The following ZPBP variants were observed in gnomAD, a reference collection of about 807,000 sequenced individuals.
ZPBP encodes the protein zona pellucida binding protein.
A neutral mutation model predicts 44.8 loss-of-function variants in ZPBP; 26 were observed. That is an observed-to-expected ratio of 0.58 (90% CI 0.43 to 0.81). The LOEUF is 0.81. Among genes scored for constraint, ZPBP ranks in the 30% least tolerant of loss-of-function variants. The pLI is 0.00. For missense variants in ZPBP, 409 were observed against 434.0 expected, an observed-to-expected ratio of 0.94 and a Z score of 0.51; for synonymous variants, 174 against 153.2, an observed-to-expected ratio of 1.14 and a Z score of -1.00.
At chr7:49,965,028 G>C (rs1394634218) in intron 7 of ZPBP, among the ~76,000 whole-genome samples, 1 of 152,096 alleles carries the variant, frequency 6.6e-6, no homozygotes, top group African/African-American at 2.4e-5. Context: ...AAGAATGACA[G>C]GCTGACAGTC....
intron 2 of ZPBP, among the ~76,000 whole-genome samples, chr7:49,877,481 A>AAAAATATATATAT: frequency 7.9e-5 from 1 of 12,722 alleles, no homozygotes; most frequent in African/African-American, 2.8e-4. Flanking sequence ...AAAAAAAAAA[A>AAAAATATATATAT]ATATATATAT....
intron 3 of ZPBP, among the ~76,000 whole-genome samples, chr7:50,063,172 G>A (rs1211350923): frequency 6.6e-6 from 1 of 152,196 alleles, no homozygotes; most frequent in East Asian, 1.9e-4. Flanking sequence ...ACAATGCCTG[G>A]GAAGGGAGGA....
At chr7:49,850,124 G>C (rs1790117905), downstream of ZPBP, among the ~76,000 whole-genome samples, 1 of 152,166 alleles carries the variant, frequency 6.6e-6, no homozygotes, top group East Asian at 1.9e-4. Flanking sequence ...GCATGGTGCT[G>C]CAGGAAAACA....
At chr7:49,850,437 T>C (rs1790130333), downstream of ZPBP, 1 of 152,346 alleles carries the variant, frequency 6.6e-6, no homozygotes, top group African/African-American at 2.4e-5. Context: ...GGCATCCTTA[T>C]AAGCCAAGTA....
intron 3 of ZPBP, among the ~76,000 whole-genome samples, chr7:50,081,360 G>C (rs1802342495): frequency 6.6e-6 from 1 of 151,638 alleles, no homozygotes; most frequent in South Asian, 2.1e-4. Context: ...GTTAACTGTA[G>C]TTTTTTAAAA....
At chr7:50,065,547 A>T (rs576955280) in intron 3 of ZPBP, among the ~76,000 whole-genome samples, 1 of 151,020 alleles carries the variant, frequency 6.6e-6, no homozygotes, top group African/African-American at 2.4e-5. Flanking sequence ...GAGGTTTTTA[A>T]CAACTAAACA....
chr7:49,953,778 C>T (rs969386209), intron 7 of ZPBP, among the ~76,000 whole-genome samples: 1 of 152,030 alleles, frequency 6.6e-6, no homozygotes, highest in African/African-American at 2.4e-5. Context: ...AGGTAAAATA[C>T]ACTGAAAGCT....
At chr7:49,892,031 ATTTTTTTT>A (rs536880676) in intron 2 of ZPBP, among the ~76,000 whole-genome samples, 1 of 53,202 alleles carries the variant, frequency 1.9e-5, no homozygotes, top group Non-Finnish European at 3.3e-5. Context: ...GACAAAGTAG[ATTTTTTTT>A]TTTTTTTTTT....
chr7:49,998,735 C>T (rs772781171), intron 6 of ZPBP, among the ~76,000 whole-genome samples: 2 of 152,042 alleles, frequency 1.3e-5, no homozygotes, highest in Admixed American at 6.6e-5. Context: ...ATCTTTAAAT[C>T]TAGTAAGACT....
intron 2 of ZPBP, among the ~76,000 whole-genome samples, chr7:49,884,824 A>G (rs1235371994): frequency 6.6e-6 from 1 of 152,160 alleles, no homozygotes; most frequent in Non-Finnish European, 1.5e-5. Flanking sequence ...AAGTCCAAAA[A>G]TGATATAGAC....
chr7:49,974,762 T>C (rs1392421382), intron 7 of ZPBP, among the ~76,000 whole-genome samples: 3 of 3,054 alleles, frequency 9.8e-4, no homozygotes, highest in Non-Finnish European at 1.8e-3. Context: ...TTGGCAAATG[T>C]CTGATGAATA....
chr7:49,901,206 G>C (rs928057953), exon 2 of ZPBP: 1 of 151,878 alleles, frequency 6.6e-6, no homozygotes, highest in South Asian at 2.1e-4. Flanking sequence ...CATAGTGGAA[G>C]TCCCAACTAC....
chr7:49,870,166 C>T (rs373863940), intron 2 of ZPBP, among the ~76,000 whole-genome samples: 5 of 152,022 alleles, frequency 3.3e-5, no homozygotes, highest in South Asian at 2.1e-4. Flanking sequence ...TTTGGGAGAC[C>T]GAGGTGGGCG....
intron 2 of ZPBP, among the ~76,000 whole-genome samples, chr7:50,088,593 G>A (rs904110947): frequency 6.6e-6 from 1 of 151,786 alleles, no homozygotes; most frequent in South Asian, 2.1e-4. Flanking sequence ...ATTTAAAAAC[G>A]GGCAAAGGAC....
chr7:50,022,618 T>A (rs927454333), intron 5 of ZPBP, among the ~76,000 whole-genome samples: 1 of 152,002 alleles, frequency 6.6e-6, no homozygotes, highest in African/African-American at 2.4e-5. Flanking sequence ...AAAAAAGATA[T>A]GAGACATCTT....
At chr7:50,023,252 C>T (rs74413375) in intron 5 of ZPBP, among the ~76,000 whole-genome samples, 4,670 of 152,136 alleles carry the variant, frequency 0.031, 92 homozygotes, top group Middle Eastern at 0.061. Context: ...AGGCGAAGGA[C>T]TCAGGCTCTC....
intron 5 of ZPBP, 75 bp downstream of exon 5, chr7:50,031,017 T>C: frequency 7.9e-7 from 1 of 1,260,994 alleles, no homozygotes; most frequent in East Asian, 2.3e-5. Context: ...AAAAATGCTG[T>C]GAGTAATTAA....
At chr7:49,936,800 T>C (rs1421045563), downstream of ZPBP, among the ~76,000 whole-genome samples, 1 of 152,160 alleles carries the variant, frequency 6.6e-6, no homozygotes, top group Non-Finnish European at 1.5e-5. Flanking sequence ...GTGGAAGAAA[T>C]AAAATAAAGG....
intron 5 of ZPBP, among the ~76,000 whole-genome samples, chr7:50,025,029 T>C (rs1388862733): frequency 6.6e-6 from 1 of 151,840 alleles, no homozygotes; most frequent in Non-Finnish European, 1.5e-5. Flanking sequence ...TAAACAACTG[T>C]AATTTGAAAA....
Sources: gnomAD v4.1 joint callset for allele counts (sites outside exome capture counted in the v4.1 genomes callset) on GRCh38, gnomAD v4.1.1 for gene constraint, MANE v1.5 for transcripts, NCBI Gene and HGNC (gene_info 2026-07-23, HGNC 2026-07-21) for gene names.